CFAP119: variants seen among roughly 807,000 people sequenced by gnomAD.
The protein encoded by CFAP119 is cilia and flagella associated protein 119.
chr16:30,760,076 C>A, the CFAP119 span: 1 of 1,534,304 alleles, frequency 6.5e-7, no homozygotes, highest in Admixed American at 2.0e-5. Context: ...TATTATTTCT[C>A]AGAACAGTCC....
chr16:30,761,289 C>G, the CFAP119 span: 1 of 1,609,430 alleles, frequency 6.2e-7, no homozygotes, highest in Non-Finnish European at 8.5e-7. Flanking sequence ...TAGCGAATCT[C>G]CAGCAGGCCG....
At chr16:30,761,788 G>A in the CFAP119 span, 3 of 1,485,792 alleles carry the variant, frequency 2.0e-6, no homozygotes, top group South Asian at 1.3e-5. Context: ...CCGGGCTCCC[G>A]CCGCCTAGGT....
chr16:30,757,589 C>T, the CFAP119 span: 18 of 1,614,172 alleles, frequency 1.1e-5, no homozygotes, highest in Non-Finnish European at 1.4e-5. Context: ...TCCACCAGCC[C>T]CTGGAGCTGC....
chr16:30,758,742 A>G, the CFAP119 span: 3 of 480,804 alleles, frequency 6.2e-6, no homozygotes, highest in Non-Finnish European at 1.1e-5. Context: ...TTTAGTAGAT[A>G]GGGGGTTTCA....
the CFAP119 span, chr16:30,761,693 T>C: frequency 1.3e-5 from 20 of 1,535,540 alleles, no homozygotes; most frequent in Admixed American, 9.8e-5. Context: ...GGAGAGATGT[T>C]CAAGCTCCGA....
chr16:30,760,909 T>C, the CFAP119 span: 1 of 615,720 alleles, frequency 1.6e-6, no homozygotes, highest in Non-Finnish European at 2.9e-6. Context: ...CACTACCTTG[T>C]ATGACCTTGG....
chr16:30,758,859 C>A, the CFAP119 span: 1 of 1,338,934 alleles, frequency 7.5e-7, no homozygotes, highest in Non-Finnish European at 1.0e-6. Context: ...TGCAGCTGTG[C>A]TTTTATCTGT....
At chr16:30,759,969 C>T in the CFAP119 span, 2 of 1,451,952 alleles carry the variant, frequency 1.4e-6, no homozygotes, top group Non-Finnish European at 1.8e-6. Flanking sequence ...GGGAATAAAC[C>T]AAGAAATAGA....
At chr16:30,758,123 G>A in the CFAP119 span, 5 of 150,506 alleles carry the variant, frequency 3.3e-5, no homozygotes, top group African/African-American at 9.9e-5. Context: ...CCAGGCTGGA[G>A]TGCAGTGGCA....
the CFAP119 span, chr16:30,759,918 A>G: frequency 6.9e-7 from 1 of 1,440,380 alleles, no homozygotes; most frequent in Non-Finnish European, 9.1e-7. Flanking sequence ...GGCACTGAAC[A>G]AGACAGACAA....
chr16:30,761,825 G>T, the CFAP119 span: 9 of 1,358,026 alleles, frequency 6.6e-6, no homozygotes, highest in Admixed American at 1.2e-4. Flanking sequence ...CTCGGTCGGC[G>T]GCTACCAAGG....
chr16:30,758,884 G>T, the CFAP119 span: 1 of 1,469,132 alleles, frequency 6.8e-7, no homozygotes, highest in South Asian at 1.3e-5. Flanking sequence ...TTGGACTTCT[G>T]CATAAGGGAT....
At chr16:30,761,827 C>T in the CFAP119 span, 1,161 of 1,353,638 alleles carry the variant, frequency 8.6e-4, 6 homozygotes, top group African/African-American at 0.015. Flanking sequence ...CGGTCGGCGG[C>T]TACCAAGGCC....
the CFAP119 span, chr16:30,760,702 C>A: frequency 2.6e-6 from 4 of 1,542,856 alleles, no homozygotes; most frequent in Non-Finnish European, 3.5e-6. Context: ...TATTGGTGGC[C>A]GTTACCTATC....
chr16:30,757,607 C>T, the CFAP119 span: 3 of 1,614,182 alleles, frequency 1.9e-6, no homozygotes, highest in Non-Finnish European at 2.5e-6. Flanking sequence ...TGCTCCAGCT[C>T]TTTGTTCACT....
the CFAP119 span, chr16:30,761,868 C>G: frequency 2.0e-6 from 2 of 1,013,440 alleles, no homozygotes; most frequent in Admixed American, 3.2e-5. Context: ...GGCCAATCTA[C>G]GCGCGGAGAG....
At chr16:30,760,345 G>A in the CFAP119 span, 1 of 1,614,232 alleles carries the variant, frequency 6.2e-7, no homozygotes, top group Non-Finnish European at 8.5e-7. Context: ...GCTCCAGTGA[G>A]AAGCCCTGCT....
At chr16:30,761,420 C>T in the CFAP119 span, 15 of 1,431,586 alleles carry the variant, frequency 1.0e-5, no homozygotes, top group African/African-American at 5.6e-5. Context: ...TCACACACCC[C>T]TGCCTCTCCT....
chr16:30,760,097 G>C, the CFAP119 span: 2 of 1,538,714 alleles, frequency 1.3e-6, no homozygotes, highest in Admixed American at 3.9e-5. Context: ...TGTAAAATGT[G>C]TGCTGTATCC....
Sources: gnomAD v4.1 joint callset for allele counts on GRCh38, gnomAD v4.1.1 for gene constraint, MANE v1.5 for transcripts, NCBI Gene and HGNC (gene_info 2026-07-23, HGNC 2026-07-21) for gene names.